ERBB4: variants seen among roughly 807,000 people sequenced by gnomAD.
ERBB4 encodes the protein receptor tyrosine-protein kinase erbB-4.
Under a neutral mutation model 158.0 loss-of-function variants are expected in ERBB4, and 42 were observed. The ratio of observed to expected loss-of-function variants is 0.27; its 90% CI spans 0.21 to 0.34. The LOEUF (loss-of-function observed/expected upper bound fraction) is 0.34, where lower values mean the gene tolerates loss of function less well. Ranked by LOEUF, ERBB4 falls within the 10% of genes least tolerant of loss-of-function variation. ERBB4 has a pLI of 1.00. For missense variants in ERBB4, 1,333 were observed against 1,624.1 expected, an observed-to-expected ratio of 0.82 and a Z score of 3.08; for synonymous variants, 583 against 558.7, an observed-to-expected ratio of 1.04 and a Z score of -0.61.
At chr2:212,169,390 G>A (rs1284394941) in intron 1 of ERBB4, among the ~76,000 whole-genome samples, 5 of 152,012 alleles carry the variant, frequency 3.3e-5, no homozygotes, top group African/African-American at 4.8e-5. Context: ...GGACAAACCT[G>A]ACAAAAACAA....
chr2:211,517,658 G>C (rs558168908), intron 20 of ERBB4, among the ~76,000 whole-genome samples: 1 of 152,064 alleles, frequency 6.6e-6, no homozygotes, highest in African/African-American at 2.4e-5. Flanking sequence ...TCCTGGCTAG[G>C]AGAAGATGAA....
intron 20 of ERBB4, among the ~76,000 whole-genome samples, chr2:211,555,955 A>G (rs1262798718): frequency 6.6e-6 from 1 of 152,214 alleles, no homozygotes; most frequent in Non-Finnish European, 1.5e-5. Flanking sequence ...GACAGGATCA[A>G]ATCCACACAT....
chr2:211,543,232 C>A (rs1384783307), intron 20 of ERBB4, among the ~76,000 whole-genome samples: 1 of 151,938 alleles, frequency 6.6e-6, no homozygotes, highest in Non-Finnish European at 1.5e-5. Flanking sequence ...AAAAATAAGG[C>A]ACTATTTCTA....
At chr2:211,741,452 T>TATACAC (rs1553622686) in intron 5 of ERBB4, among the ~76,000 whole-genome samples, 1 of 143,210 alleles carries the variant, frequency 7.0e-6, no homozygotes, top group Admixed American at 7.2e-5. Flanking sequence ...TATGTAGTTA[T>TATACAC]ACACACACAC....
intron 1 of ERBB4, among the ~76,000 whole-genome samples, chr2:212,283,320 G>C (rs138771085): frequency 3.1e-4 from 47 of 151,986 alleles, no homozygotes; most frequent in African/African-American, 1.0e-3. Context: ...TAAAGATTCC[G>C]GTATCATATG....
At chr2:212,490,254 T>C (rs1451627952) in intron 1 of ERBB4, among the ~76,000 whole-genome samples, 6 of 151,894 alleles carry the variant, frequency 4.0e-5, no homozygotes. Context: ...CTACATCTTA[T>C]CCATTGTTTC....
chr2:211,869,756 G>A (rs1424259755), intron 3 of ERBB4, among the ~76,000 whole-genome samples: 1 of 152,002 alleles, frequency 6.6e-6, no homozygotes, highest in Non-Finnish European at 1.5e-5. Flanking sequence ...TGAAATTATT[G>A]CATCTTCTCT....
intron 2 of ERBB4, among the ~76,000 whole-genome samples, chr2:212,059,837 C>A (rs564110078): frequency 6.6e-6 from 1 of 152,168 alleles, no homozygotes; most frequent in Admixed American, 6.5e-5. Flanking sequence ...ACCATAAAAA[C>A]CCTAGAAGAA....
chr2:212,111,993 A>G lies in ERBB4; in HGVS notation c.234+12759T>C, dbSNP rs368409018. On this transcript the variant is annotated intron_variant, in intron 2 of 27. Coordinates refer to ENST00000342788, the MANE Select transcript of ERBB4 (RefSeq NM_005235.3). ...TTCAAAGAGTTGGCAGTCAGTAAACATCTGCTGAATGTTTAATTCTTTTTT... is the reference window on the plus strand; with the variant it reads ...TTCAAAGAGTTGGCAGTCAGTAAACGTCTGCTGAATGTTTAATTCTTTTTT... Among the ~76,000 whole-genome samples, 38 of 152,300 alleles carry G rather than the reference A, an allele frequency of 2.5e-4. 1 individual carries two copies. The South Asian group carries it at 7.0e-3, about 28-fold the overall frequency.
At chr2:212,475,474 T>G (rs1370441370) in intron 1 of ERBB4, among the ~76,000 whole-genome samples, 2 of 152,166 alleles carry the variant, frequency 1.3e-5, no homozygotes, top group African/African-American at 4.8e-5. Flanking sequence ...CATTTGCTGA[T>G]CAAATCCTCA....
intron 20 of ERBB4, among the ~76,000 whole-genome samples, chr2:211,457,706 G>T (rs1446152238): frequency 3.3e-5 from 5 of 152,226 alleles, no homozygotes; most frequent in African/African-American, 1.2e-4. Context: ...GGAAAGTGAT[G>T]TGGATTCTTC....
At chr2:212,373,297 T>C (rs565457316) in intron 1 of ERBB4, among the ~76,000 whole-genome samples, 1 of 152,262 alleles carries the variant, frequency 6.6e-6, no homozygotes, top group South Asian at 2.1e-4. Flanking sequence ...AGAGCCTAAT[T>C]TGAATTCAGT....
intron 2 of ERBB4, among the ~76,000 whole-genome samples, chr2:212,120,596 C>T (rs2079717682): frequency 6.6e-6 from 1 of 152,116 alleles, no homozygotes; most frequent in African/African-American, 2.4e-5. Context: ...AGAGTGGTTT[C>T]ATACAAAATA....
chr2:211,458,453 G>T (rs981642074), intron 20 of ERBB4, among the ~76,000 whole-genome samples: 1 of 152,020 alleles, frequency 6.6e-6, no homozygotes, highest in Non-Finnish European at 1.5e-5. Context: ...TTTTAGTAGA[G>T]ATGGGTTTTC....
At chr2:211,893,520 A>T (rs2079022975) in intron 3 of ERBB4, among the ~76,000 whole-genome samples, 1 of 141,964 alleles carries the variant, frequency 7.0e-6, no homozygotes, top group South Asian at 2.1e-4. Context: ...CATGTCCAAA[A>T]CACCAAAAGC....
At chr2:211,693,876 C>T (rs897435563) in intron 12 of ERBB4, among the ~76,000 whole-genome samples, 5 of 152,150 alleles carry the variant, frequency 3.3e-5, no homozygotes, top group Non-Finnish European at 5.9e-5. Context: ...CCCCTAGCTT[C>T]TGGTGGTTGC....
intron 1 of ERBB4, among the ~76,000 whole-genome samples, chr2:212,456,061 G>C (rs1381039601): frequency 6.6e-6 from 1 of 151,744 alleles, no homozygotes; most frequent in Non-Finnish European, 1.5e-5. Context: ...GAAAAAAAAA[G>C]CATAAATATT....
intron 2 of ERBB4, among the ~76,000 whole-genome samples, chr2:212,086,315 T>C (rs1336910271): frequency 6.6e-6 from 1 of 151,262 alleles, no homozygotes; most frequent in Non-Finnish European, 1.5e-5. Flanking sequence ...ATGGTCTTTA[T>C]ATTTCTGATT....
At chr2:212,095,655 G>T (rs976609295) in intron 2 of ERBB4, among the ~76,000 whole-genome samples, 4 of 152,106 alleles carry the variant, frequency 2.6e-5, no homozygotes, top group African/African-American at 9.7e-5. Context: ...AATTTTGGCC[G>T]GGCGCGGTGG....
Sources: gnomAD v4.1 joint callset for allele counts (sites outside exome capture counted in the v4.1 genomes callset) on GRCh38, gnomAD v4.1.1 for gene constraint, MANE v1.5 for transcripts, NCBI Gene and HGNC (gene_info 2026-07-23, HGNC 2026-07-21) for gene names.